PDE4D: variants seen among roughly 807,000 people sequenced by gnomAD.
The protein encoded by PDE4D is phosphodiesterase 4D.
Under a neutral mutation model 87.4 loss-of-function variants are expected in PDE4D, and 24 were observed. That is an observed-to-expected ratio of 0.27 (90% CI 0.20 to 0.39). PDE4D has a LOEUF of 0.39. PDE4D is among the 10% of genes least tolerant of loss of function. The pLI is 1.00. For synonymous variants in PDE4D, 384 were observed against 383.2 expected (o/e 1.00, Z -0.02); for missense variants, 714 against 1,041.0 (o/e 0.69, Z 4.32).
chr5:58,971,286 A>G lies in PDE4D; in HGVS notation c.*3378T>C, dbSNP rs996131269. ...TTATAGTTTTCTTGAATCTTCCATA[A>G]ACAAGCTCTAAGGTGACAAGACTAT... On this transcript the variant is annotated 3_prime_UTR_variant, in exon 15 of 15. Transcript: ENST00000340635. The G allele has an allele frequency of 6.6e-6, 1 of 152,604 alleles. No individual in the cohort carries two copies. Among genetic ancestry groups the G allele is most frequent in the African/African-American group, 2.4e-5 (1 of 41,448 alleles). 9.5% of individuals were successfully genotyped at this position (152,604 alleles called of 1,614,324 possible).
chr5:60,367,687 C>G (rs1222590846), intron 1 of PDE4D, among the ~76,000 whole-genome samples: 1 of 152,128 alleles, frequency 6.6e-6, no homozygotes, highest in Non-Finnish European at 1.5e-5. Context: ...AGTGGGAGTC[C>G]TGATGCCCTG....
intron 3 of PDE4D, among the ~76,000 whole-genome samples, chr5:59,188,611 T>G (rs1743464572): frequency 6.6e-6 from 1 of 152,270 alleles, no homozygotes; most frequent in Admixed American, 6.5e-5. Context: ...TATACACTTG[T>G]TACCACTAGA....
chr5:59,673,096 T>C (rs917206005), intron 1 of PDE4D, among the ~76,000 whole-genome samples: 2 of 152,224 alleles, frequency 1.3e-5, no homozygotes, highest in African/African-American at 4.8e-5. Flanking sequence ...TTCACGAGTG[T>C]ATATCTTTGA....
At chr5:59,751,895 A>G (rs1239670461) in intron 1 of PDE4D, among the ~76,000 whole-genome samples, 1 of 152,154 alleles carries the variant, frequency 6.6e-6, no homozygotes. Context: ...ATGTGATAAT[A>G]AAACCTAAAC....
At chr5:60,370,296 C>A (rs984161987) in intron 1 of PDE4D, among the ~76,000 whole-genome samples, 3 of 152,154 alleles carry the variant, frequency 2.0e-5, no homozygotes, top group Non-Finnish European at 2.9e-5. Flanking sequence ...AAGGCCCCAA[C>A]TTGCATGTTC....
rs1215325880 is a variant in PDE4D at position 60,280,335 on chromosome 5, T to TATATATAC, written c.-89-94649_-89-94648insGTATATAT. Reference sequence around the variant, plus strand: ...ATACATATATATATATAAATATATATACACACATATATATAAAATATCCAA... The same window carrying TATATATAC: ...ATACATATATATATATAAATATATATATATATACACACACATATATATAAAATATCCAA... On this transcript the variant is annotated intron_variant, in intron 1 of 16. Transcript: ENST00000502484. Among the ~76,000 whole-genome samples, 8 of 142,580 alleles carry TATATATAC rather than the reference T, an allele frequency of 5.6e-5. No individual in the cohort carries two copies. The East Asian group carries it at 7.8e-4, about 14-fold the overall frequency. 93.5% of individuals were successfully genotyped at this position (142,580 alleles called of 152,430 possible). A position where few individuals can be genotyped will look rare whatever the true frequency, so the allele number is the denominator to read the frequency against.
At chr5:60,500,635 C>T (rs1354638358) in intron 1 of PDE4D, among the ~76,000 whole-genome samples, 3 of 152,146 alleles carry the variant, frequency 2.0e-5, no homozygotes, top group African/African-American at 7.2e-5. Flanking sequence ...GAGGACTAAG[C>T]GGGGACTTTG....
intron 1 of PDE4D, among the ~76,000 whole-genome samples, chr5:59,614,518 T>TCC (rs1003348031): frequency 2.0e-4 from 30 of 152,210 alleles, no homozygotes; most frequent in African/African-American, 6.8e-4. Context: ...CTCAGAACTG[T>TCC]AAGAGTCTAT....
intron 5 of PDE4D, among the ~76,000 whole-genome samples, chr5:59,113,218 T>C (rs1772987034): frequency 6.6e-6 from 1 of 152,302 alleles, no homozygotes; most frequent in East Asian, 1.9e-4. Context: ...CAAATATGAA[T>C]GATAAAATAG....
At chr5:60,083,456 A>G (rs1366235789) in intron 2 of PDE4D, among the ~76,000 whole-genome samples, 1 of 152,376 alleles carries the variant, frequency 6.6e-6, no homozygotes, top group East Asian at 1.9e-4. Context: ...TTAATAATGT[A>G]AAACTCTACA....
At chr5:59,240,094 T>G (rs893449045) in intron 1 of PDE4D, among the ~76,000 whole-genome samples, 5 of 152,162 alleles carry the variant, frequency 3.3e-5, no homozygotes, top group Admixed American at 3.3e-4. Flanking sequence ...TGTCAAGCCT[T>G]CCAGTTATTA....
At chr5:59,354,023 GA>G (rs1780948359) in intron 1 of PDE4D, among the ~76,000 whole-genome samples, 1 of 152,052 alleles carries the variant, frequency 6.6e-6, no homozygotes, top group Non-Finnish European at 1.5e-5. Context: ...CCTTTAGCCT[GA>G]ATATTACCAG....
intron 1 of PDE4D, among the ~76,000 whole-genome samples, chr5:59,838,031 C>T (rs532421089): frequency 5.3e-5 from 8 of 152,116 alleles, no homozygotes; most frequent in Non-Finnish European, 1.2e-4. Flanking sequence ...AATTTACACA[C>T]TTTAGTTAGA....
At chr5:59,972,249 TTCTC>T (rs1296327610) in intron 3 of PDE4D, among the ~76,000 whole-genome samples, 1 of 152,114 alleles carries the variant, frequency 6.6e-6, no homozygotes, top group Non-Finnish European at 1.5e-5. Context: ...GCTAGGTCCT[TTCTC>T]TCACCTATTC....
At chr5:60,293,009 T>TC (rs908051449) in intron 1 of PDE4D, among the ~76,000 whole-genome samples, 1 of 148,164 alleles carries the variant, frequency 6.7e-6, no homozygotes, top group African/African-American at 2.5e-5. Flanking sequence ...GAGTGTAAAT[T>TC]CCCCCCTTTT....
At chr5:60,516,718 T>G (rs188938753) in intron 1 of PDE4D, among the ~76,000 whole-genome samples, 13 of 152,254 alleles carry the variant, frequency 8.5e-5, no homozygotes, top group African/African-American at 2.9e-4. Flanking sequence ...TGCCAGACAT[T>G]GTTCCCAGCA....
intron 1 of PDE4D, among the ~76,000 whole-genome samples, chr5:59,526,968 C>A (rs1813263633): frequency 6.6e-6 from 1 of 152,148 alleles, no homozygotes; most frequent in African/African-American, 2.4e-5. Flanking sequence ...TGTAGCCATT[C>A]TCCTATTGAT....
intron 1 of PDE4D, among the ~76,000 whole-genome samples, chr5:60,231,479 T>A (rs1415163961): frequency 1.3e-5 from 2 of 151,866 alleles, no homozygotes; most frequent in African/African-American, 4.8e-5. Context: ...AAAAAAATGA[T>A]CTTAATGATA....
intron 1 of PDE4D, among the ~76,000 whole-genome samples, chr5:59,689,748 G>T (rs911437933): frequency 1.3e-5 from 2 of 152,110 alleles, no homozygotes; most frequent in Non-Finnish European, 2.9e-5. Flanking sequence ...AAGAAATAAA[G>T]GGTATTCAAT....
Sources: gnomAD v4.1 joint callset for allele counts (sites outside exome capture counted in the v4.1 genomes callset) on GRCh38, gnomAD v4.1.1 for gene constraint, MANE v1.5 for transcripts, NCBI Gene and HGNC (gene_info 2026-07-23, HGNC 2026-07-21) for gene names.